PRKN: variants seen among roughly 807,000 people sequenced by gnomAD.
PRKN encodes the protein parkin RBR E3 ubiquitin protein ligase.
PRKN carries 56 observed loss-of-function variants against 59.5 expected under a neutral mutation model. That is an observed-to-expected ratio of 0.94 (90% CI 0.76 to 1.18). PRKN has a LOEUF of 1.18. Among genes scored for constraint, PRKN ranks in the 50% most tolerant of loss-of-function variants. PRKN has a pLI of 0.00. For missense variants in PRKN, 657 were observed against 596.4 expected (o/e 1.10, Z -1.06); for synonymous variants, 250 against 222.1 (o/e 1.13, Z -1.12).
rs1187948885 is a variant in PRKN, at chr6:161,369,324, A to C, written c.1168-9119T>G. On this transcript the variant is annotated intron_variant, in intron 10 of 11. Transcript: ENST00000366898. This position sits in a 1 kb window ranked among gnomAD's most constrained non-coding sequence, Gnocchi z 5.8. ...ATTCAGTAGGTCTGTGGCGGGGTAC[A>C]GAAATTAGAATCCCTAAAAATGCCC... Among the ~76,000 whole-genome samples the C allele has an allele frequency of 6.6e-6, 1 of 152,164 alleles. No individual in the cohort carries two copies. The highest frequency in any genetic ancestry group is 1.5e-5 in the Non-Finnish European group (1 of 68,030).
chr6:162,544,672 A>ATTTTTTTTTTTTTTTT (rs11296683), intron 1 of PRKN, among the ~76,000 whole-genome samples: 1 of 71,510 alleles, frequency 1.4e-5, no homozygotes, highest in African/African-American at 6.0e-5. Context: ...TTTATTGTTG[A>ATTTTTTTTTTTTTTTT]TTTTTTTTTT....
At chr6:162,098,479 G>T (rs1779836187) in intron 4 of PRKN, among the ~76,000 whole-genome samples, 1 of 152,182 alleles carries the variant, frequency 6.6e-6, no homozygotes, top group African/African-American at 2.4e-5. Context: ...CCCAGGAAAA[G>T]TCTAAGCTAT....
intron 2 of PRKN, among the ~76,000 whole-genome samples, chr6:162,317,372 G>A (rs924134475): frequency 1.3e-5 from 2 of 152,060 alleles, no homozygotes; most frequent in Non-Finnish European, 2.9e-5. Context: ...CTCCATGTAA[G>A]ACCTGGCCTT....
At chr6:162,326,497 G>C (rs1477917603) in intron 2 of PRKN, among the ~76,000 whole-genome samples, 1 of 152,062 alleles carries the variant, frequency 6.6e-6, no homozygotes, top group East Asian at 1.9e-4. Flanking sequence ...ACCTCCTAGA[G>C]AGCTTTTGAG....
intron 7 of PRKN, among the ~76,000 whole-genome samples, chr6:161,661,704 TGAAA>T (rs1451359509): frequency 2.0e-5 from 3 of 152,204 alleles, no homozygotes; most frequent in African/African-American, 7.2e-5. Context: ...GAACAGTGCC[TGAAA>T]GATACGTATT....
At chr6:162,443,201 G>T (rs1467004785) in intron 2 of PRKN, 109 bp downstream of exon 2, 4 of 1,117,814 alleles carry the variant, frequency 3.6e-6, no homozygotes, top group Non-Finnish European at 5.3e-6. Flanking sequence ...GAATCCCCAG[G>T]CACTATTTAT....
At chr6:161,705,002 G>T (rs1055760688) in intron 7 of PRKN, among the ~76,000 whole-genome samples, 1 of 152,172 alleles carries the variant, frequency 6.6e-6, no homozygotes, top group Non-Finnish European at 1.5e-5. Flanking sequence ...AGGCACTGGC[G>T]TTTCTTAAAG....
rs968076795 is a variant in PRKN at position 161,579,577 on chromosome 6, C to G, written c.872-10161G>C. ...GGCATGTTCCTGAATAGGGCATATT[C>G]AGGCACTATTAAGTTTGGGAAAATA... On this transcript the variant is annotated intron_variant, in intron 7 of 11. Coordinates refer to ENST00000366898, the MANE Select transcript of PRKN (RefSeq NM_004562.3). The surrounding 1 kb of genome is among the most constrained non-coding windows in gnomAD (Gnocchi z 4.2). Among the ~76,000 whole-genome samples the G allele has an allele frequency of 6.6e-6, 1 of 152,114 alleles. No individual in the cohort carries two copies. Among genetic ancestry groups the G allele is most frequent in the African/African-American group, 2.4e-5 (1 of 41,406 alleles).
intron 2 of PRKN, among the ~76,000 whole-genome samples, chr6:162,378,134 A>G (rs1484876746): frequency 6.6e-6 from 1 of 152,216 alleles, no homozygotes; most frequent in Admixed American, 6.5e-5. Flanking sequence ...AAGAAAGACC[A>G]TCTATCTGGA....
chr6:162,516,604 T>G (rs1371424755), intron 1 of PRKN, among the ~76,000 whole-genome samples: 1 of 151,754 alleles, frequency 6.6e-6, no homozygotes, highest in Non-Finnish European at 1.5e-5. Flanking sequence ...ATACAAAAAT[T>G]AGCTGAGCAT....
intron 5 of PRKN, among the ~76,000 whole-genome samples, chr6:162,024,145 T>C (rs1783321530): frequency 6.6e-6 from 1 of 151,850 alleles, no homozygotes; most frequent in Admixed American, 6.6e-5. Flanking sequence ...TTTTCCAGTT[T>C]GTTTGTGTCA....
At chr6:162,385,104 A>G (rs969949264) in intron 2 of PRKN, among the ~76,000 whole-genome samples, 2 of 152,158 alleles carry the variant, frequency 1.3e-5, no homozygotes, top group African/African-American at 2.4e-5. Context: ...CATATTAATT[A>G]TCTTTTTAAA....
At chr6:162,592,226 G>C (rs1781338990) in intron 1 of PRKN, among the ~76,000 whole-genome samples, 1 of 152,160 alleles carries the variant, frequency 6.6e-6, no homozygotes, top group South Asian at 2.1e-4. Context: ...TCGAACTCCT[G>C]ACCTCAAGTG....
chr6:161,487,097 G>A lies in PRKN; in HGVS notation c.1083+61757C>T, dbSNP rs1791686489. Reference sequence around the variant, plus strand: ...GGAAAGATGGGTGTCCTGGTTGAGGGGCGATGAGGTAAGAATGACTAATGC... The same window carrying A: ...GGAAAGATGGGTGTCCTGGTTGAGGAGCGATGAGGTAAGAATGACTAATGC... On this transcript the variant is annotated intron_variant, in intron 9 of 11. Transcript: ENST00000366898. The surrounding 1 kb of genome is among the most constrained non-coding windows in gnomAD (Gnocchi z 5.3). Among the ~76,000 whole-genome samples, 1 of 152,150 alleles carries A rather than the reference G, an allele frequency of 6.6e-6. No homozygotes were observed. Among genetic ancestry groups the A allele is most frequent in the South Asian group, 2.1e-4 (1 of 4,828 alleles).
chr6:162,297,856 T>C (rs927920697), intron 2 of PRKN, among the ~76,000 whole-genome samples: 60 of 152,268 alleles, frequency 3.9e-4, no homozygotes, highest in African/African-American at 1.4e-3. Flanking sequence ...TGCCCAGTCC[T>C]AGCTAAAAAT....
chr6:162,432,008 TAA>T (rs1256683125), intron 2 of PRKN, among the ~76,000 whole-genome samples: 1 of 152,170 alleles, frequency 6.6e-6, no homozygotes, highest in African/African-American at 2.4e-5. Context: ...CATAACTGAT[TAA>T]GTCTATTTTA....
At chr6:162,636,984 T>C (rs893780474) in intron 1 of PRKN, among the ~76,000 whole-genome samples, 1 of 149,920 alleles carries the variant, frequency 6.7e-6, no homozygotes, top group Non-Finnish European at 1.5e-5. Flanking sequence ...TGGCCAGGCA[T>C]GGTGGCTCAC....
chr6:161,793,706 G>T (rs572266204), intron 6 of PRKN, among the ~76,000 whole-genome samples: 1 of 152,096 alleles, frequency 6.6e-6, no homozygotes, highest in Admixed American at 6.6e-5. Flanking sequence ...TGGAGGAAGG[G>T]CTCCCAAGAT....
intron 6 of PRKN, among the ~76,000 whole-genome samples, chr6:161,897,382 G>A (rs141506324): frequency 3.9e-4 from 59 of 152,204 alleles, no homozygotes; most frequent in African/African-American, 1.3e-3. Context: ...ATTTATGTAT[G>A]TGTTGAGGCT....
Sources: gnomAD v4.1 joint callset for allele counts (sites outside exome capture counted in the v4.1 genomes callset) on GRCh38, gnomAD v4.1.1 for gene constraint, Gnocchi (gnomAD v3.1) non-coding constraint, MANE v1.5 for transcripts, NCBI Gene and HGNC (gene_info 2026-07-23, HGNC 2026-07-21) for gene names.